MTUS2: variants seen among roughly 807,000 people sequenced by gnomAD.
MTUS2 encodes microtubule-associated tumor suppressor candidate 2.
Under a neutral mutation model 114.1 loss-of-function variants are expected in MTUS2, and 40 were observed. The observed-to-expected ratio is 0.35, with a 90% CI of 0.27 to 0.46. MTUS2 has a LOEUF of 0.46. MTUS2 is among the 20% of genes least tolerant of loss of function. The pLI is 1.00. For missense variants in MTUS2, 1,679 were observed against 1,705.4 expected, an observed-to-expected ratio of 0.98 and a Z score of 0.27; for synonymous variants, 688 against 672.0, an observed-to-expected ratio of 1.02 and a Z score of -0.37.
At chr13:29,389,556 T>G (rs554081676) in intron 8 of MTUS2, among the ~76,000 whole-genome samples, 1 of 62,596 alleles carries the variant, frequency 1.6e-5, no homozygotes, top group Non-Finnish European at 3.4e-5. Flanking sequence ...TGTATACACG[T>G]GTGTATATGT....
chr13:29,370,305 G>T (rs1399583434), intron 8 of MTUS2, among the ~76,000 whole-genome samples: 3 of 152,162 alleles, frequency 2.0e-5, no homozygotes, highest in African/African-American at 7.2e-5. Flanking sequence ...GGGCCTTTAA[G>T]ATGTGATTCG....
intron 2 of MTUS2, among the ~76,000 whole-genome samples, chr13:28,912,487 T>C (rs1242974270): frequency 6.6e-6 from 1 of 152,194 alleles, no homozygotes; most frequent in African/African-American, 2.4e-5. Context: ...TTGTCTTGAC[T>C]ATATGGGCTC....
At chr13:29,358,594 A>G (rs569984775) in intron 7 of MTUS2, among the ~76,000 whole-genome samples, 1 of 152,336 alleles carries the variant, frequency 6.6e-6, no homozygotes, top group Non-Finnish European at 1.5e-5. Flanking sequence ...TAGTGAAGGA[A>G]GAGAGGAAGC....
intron 11 of MTUS2, chr13:29,490,141 A>G (rs1004791114): frequency 2.6e-5 from 4 of 152,192 alleles, no homozygotes; most frequent in African/African-American, 9.7e-5. Context: ...AACACTAATC[A>G]TTTAGTCAGA....
chr13:28,820,747 CTCG>C (rs1046100819), intron 1 of MTUS2, 136 bp downstream of exon 1: 13 of 152,332 alleles, frequency 8.5e-5, no homozygotes, highest in African/African-American at 2.9e-4. Flanking sequence ...GGTTCGGCTT[CTCG>C]TCTCCAGAGC....
At chr13:29,204,013 G>A (rs372890769) in intron 5 of MTUS2, among the ~76,000 whole-genome samples, 5 of 151,694 alleles carry the variant, frequency 3.3e-5, no homozygotes, top group African/African-American at 1.2e-4. Context: ...AGGCTGGAGT[G>A]CAGTGGCATG....
At chr13:29,271,613 T>A (rs1897884000) in intron 5 of MTUS2, among the ~76,000 whole-genome samples, 1 of 152,244 alleles carries the variant, frequency 6.6e-6, no homozygotes, top group African/African-American at 2.4e-5. Context: ...AGTTTGTGTT[T>A]CTGTCTTGTT....
At chr13:29,029,246 G>C (rs905574010) in intron 3 of MTUS2, among the ~76,000 whole-genome samples, 1 of 152,206 alleles carries the variant, frequency 6.6e-6, no homozygotes, top group African/African-American at 2.4e-5. Context: ...GGTCCAGTCA[G>C]CTTGGCAGGG....
chr13:28,849,269 G>C (rs1876092103), intron 2 of MTUS2, among the ~76,000 whole-genome samples: 1 of 152,196 alleles, frequency 6.6e-6, no homozygotes, highest in Non-Finnish European at 1.5e-5. Context: ...GTTTATGAGA[G>C]TTATTTCAAA....
intron 4 of MTUS2, among the ~76,000 whole-genome samples, chr13:29,063,949 A>G (rs1307471810): frequency 1.3e-5 from 2 of 152,204 alleles, no homozygotes; most frequent in Non-Finnish European, 2.9e-5. Flanking sequence ...TGCCCTTCAG[A>G]CAGCAGGAGG....
At chr13:29,157,114 C>G (rs552158436) in intron 5 of MTUS2, among the ~76,000 whole-genome samples, 4 of 152,236 alleles carry the variant, frequency 2.6e-5, no homozygotes, top group Non-Finnish European at 5.9e-5. Flanking sequence ...CATGCATTCT[C>G]TGCCATGCTC....
At position 29,025,134 on chromosome 13, in the gene MTUS2, G is replaced by A. The variant is rs779556896; in HGVS notation, c.436G>A (p.Val146Ile). ...RNVMSEASLD[V>I]LAKRDAEIPR... Reference sequence around the variant, plus strand: ...TGTGATGAGTGAGGCCAGTCTAGACGTTTTGGCTAAAAGGGATGCTGAAAT... The same window carrying A: ...TGTGATGAGTGAGGCCAGTCTAGACATTTTGGCTAAAAGGGATGCTGAAAT... Residue 146 changes from valine to isoleucine, a missense_variant, in exon 3 of 16, where the codon GTT becomes ATT. Coordinates refer to ENST00000612955, the MANE Select transcript of MTUS2 (RefSeq NM_001033602.4). 63 of 1,613,936 alleles carry A rather than the reference G, an allele frequency of 3.9e-5. No homozygotes were observed. Among genetic ancestry groups the A allele is most frequent in the East Asian group, 3.1e-4 (14 of 44,862 alleles).
chr13:29,260,910 C>A (rs1277443148), intron 5 of MTUS2, among the ~76,000 whole-genome samples: 2 of 152,248 alleles, frequency 1.3e-5, no homozygotes, highest in African/African-American at 4.8e-5. Context: ...GCTGCTGAAC[C>A]TCTTACAATA....
At chr13:29,316,451 T>A (rs1899992107) in intron 6 of MTUS2, among the ~76,000 whole-genome samples, 1 of 152,188 alleles carries the variant, frequency 6.6e-6, no homozygotes, top group Non-Finnish European at 1.5e-5. Context: ...ACAAATGGCT[T>A]AAGCCATTTC....
intron 8 of MTUS2, among the ~76,000 whole-genome samples, chr13:29,425,921 A>G (rs138979739): frequency 1.3e-5 from 2 of 152,276 alleles, no homozygotes; most frequent in East Asian, 3.9e-4. Flanking sequence ...GCTCTCATAC[A>G]TCTCCTAAGA....
chr13:29,379,785 T>C (rs372469432), intron 8 of MTUS2, among the ~76,000 whole-genome samples: 1 of 152,336 alleles, frequency 6.6e-6, no homozygotes, highest in East Asian at 1.9e-4. Context: ...TGAGAAATTA[T>C]GGCATTTTAC....
At chr13:29,447,878 A>G (rs1878401807) in intron 9 of MTUS2, among the ~76,000 whole-genome samples, 1 of 152,140 alleles carries the variant, frequency 6.6e-6, no homozygotes, top group Non-Finnish European at 1.5e-5. Context: ...TGTTCCAGAA[A>G]ATAAAATATG....
intron 5 of MTUS2, among the ~76,000 whole-genome samples, chr13:29,138,330 A>AGG (rs1378613356): frequency 1.3e-5 from 2 of 151,978 alleles, no homozygotes; most frequent in Non-Finnish European, 2.9e-5. Flanking sequence ...GATTCTGCCA[A>AGG]TGTAATTGTT....
At chr13:29,197,595 T>G (rs1326856761) in intron 5 of MTUS2, among the ~76,000 whole-genome samples, 1 of 152,150 alleles carries the variant, frequency 6.6e-6, no homozygotes, top group Non-Finnish European at 1.5e-5. Flanking sequence ...GATCGCTGGG[T>G]CAAATGGTAT....
Sources: allele counts gnomAD v4.1 joint callset (sites outside exome capture counted in the v4.1 genomes callset), GRCh38; gene constraint gnomAD v4.1.1; transcripts MANE v1.5; gene names NCBI Gene and HGNC (gene_info 2026-07-23, HGNC 2026-07-21).